Variants in GRM8 observed in about 807,000 individuals in gnomAD.
GRM8 encodes glutamate metabotropic receptor 8.
A neutral mutation model predicts 87.2 loss-of-function variants in GRM8; 47 were observed. The ratio of observed to expected loss-of-function variants is 0.54; its 90% CI spans 0.43 to 0.69. GRM8 has a LOEUF of 0.69. Ranked by LOEUF, GRM8 falls within the 30% of genes least tolerant of loss-of-function variation. GRM8 has a pLI of 0.00. For synonymous variants in GRM8, 396 were observed against 404.5 expected (o/e 0.98, Z 0.25); for missense variants, 1,019 against 1,139.2 (o/e 0.89, Z 1.52).
At chr7:126,737,447 T>C (rs1377206526) in intron 7 of GRM8, among the ~76,000 whole-genome samples, 2 of 151,980 alleles carry the variant, frequency 1.3e-5, no homozygotes, top group South Asian at 4.1e-4. Flanking sequence ...GAGACTGATT[T>C]GGGTGGTAAT....
intron 3 of GRM8, among the ~76,000 whole-genome samples, chr7:126,976,550 C>T (rs573315656): frequency 1.1e-4 from 16 of 152,084 alleles, no homozygotes; most frequent in Non-Finnish European, 1.5e-4. Flanking sequence ...ACCGAGATGG[C>T]GCCACTGCAC....
rs184376511 is a variant in GRM8 at position 126,968,952 on chromosome 7, A to T, written c.728-64269T>A. The stretch of plus-strand genomic sequence containing the variant: ...ATTTCAGACCACTGCAATTAAGTGA[A>T]TATTGCAATAAAGTGAGTCATGTGA... On this transcript the variant is annotated intron_variant, in intron 3 of 10. Coordinates refer to ENST00000339582, the MANE Select transcript of GRM8 (RefSeq NM_000845.3). Among the ~76,000 whole-genome samples the T allele has an allele frequency of 9.8e-4, 149 of 152,316 alleles. 2 individuals carry two copies. Among genetic ancestry groups the T allele is most frequent in the Admixed American group, 9.7e-3 (149 of 15,294 alleles).
chr7:126,940,975 T>TA (rs965877376), intron 3 of GRM8, among the ~76,000 whole-genome samples: 8 of 152,210 alleles, frequency 5.3e-5, no homozygotes, highest in Non-Finnish European at 7.3e-5. Context: ...ACTACCTTGA[T>TA]AAAAAGGTGC....
At chr7:126,548,494 CA>C (rs1249648255) in intron 8 of GRM8, among the ~76,000 whole-genome samples, 1 of 151,558 alleles carries the variant, frequency 6.6e-6, no homozygotes, top group Non-Finnish European at 1.5e-5. Flanking sequence ...ATAAGGACAA[CA>C]AAAAAAATTT....
At chr7:126,732,740 T>C (rs1267405996) in intron 7 of GRM8, among the ~76,000 whole-genome samples, 1 of 152,116 alleles carries the variant, frequency 6.6e-6, no homozygotes, top group Non-Finnish European at 1.5e-5. Flanking sequence ...CATTGTTAAA[T>C]TTTTTCAAGT....
intron 2 of GRM8, among the ~76,000 whole-genome samples, chr7:127,110,334 C>A (rs1826232302): frequency 6.6e-6 from 1 of 152,204 alleles, no homozygotes; most frequent in Admixed American, 6.5e-5. Flanking sequence ...CTCAGCCCTG[C>A]CCTAACTTCT....
At chr7:127,130,132 C>G (rs1043750927) in intron 2 of GRM8, among the ~76,000 whole-genome samples, 2 of 152,164 alleles carry the variant, frequency 1.3e-5, no homozygotes. Flanking sequence ...ATCATAGAAG[C>G]ATCATGACTG....
intron 3 of GRM8, among the ~76,000 whole-genome samples, chr7:127,046,795 T>C (rs13239456): frequency 0.25 from 38,586 of 152,160 alleles, 5,842 homozygotes; most frequent in Non-Finnish European, 0.35. Context: ...CTTGCCCTAT[T>C]GTATTACCCA....
At chr7:126,866,465 G>A (rs747030939) in intron 6 of GRM8, among the ~76,000 whole-genome samples, 2 of 149,930 alleles carry the variant, frequency 1.3e-5, no homozygotes, top group Non-Finnish European at 3.0e-5. Flanking sequence ...ATGCTTTTTG[G>A]TGGCATGTCT....
At chr7:126,573,630 A>G (rs187287254) in intron 8 of GRM8, among the ~76,000 whole-genome samples, 71 of 151,724 alleles carry the variant, frequency 4.7e-4, no homozygotes, top group Non-Finnish European at 8.8e-5. Flanking sequence ...TATCACTGAG[A>G]CTAGAATTCA....
At chr7:126,452,623 T>C (rs1427091958) in intron 9 of GRM8, among the ~76,000 whole-genome samples, 1 of 151,720 alleles carries the variant, frequency 6.6e-6, no homozygotes, top group Admixed American at 6.6e-5. Flanking sequence ...GACTCCATTC[T>C]TTTTCATAGC....
At chr7:126,773,672 T>A (rs910543434) in intron 6 of GRM8, among the ~76,000 whole-genome samples, 4 of 152,088 alleles carry the variant, frequency 2.6e-5, no homozygotes, top group African/African-American at 9.7e-5. Flanking sequence ...ATGCTCCAAT[T>A]TAATACATAT....
intron 2 of GRM8, among the ~76,000 whole-genome samples, chr7:127,238,369 A>C (rs1798104127): frequency 6.6e-6 from 1 of 151,796 alleles, no homozygotes; most frequent in Admixed American, 6.6e-5. Flanking sequence ...TAAAAAGTTC[A>C]GATCATTAAA....
chr7:126,576,386 G>A (rs1253891926), intron 8 of GRM8, among the ~76,000 whole-genome samples: 2 of 152,064 alleles, frequency 1.3e-5, no homozygotes, highest in Non-Finnish European at 2.9e-5. Flanking sequence ...GGCCTCAAGT[G>A]ATCCTCCCAC....
At chr7:127,095,060 G>A (rs1435798838) in intron 3 of GRM8, among the ~76,000 whole-genome samples, 1 of 152,202 alleles carries the variant, frequency 6.6e-6, no homozygotes, top group Non-Finnish European at 1.5e-5. Context: ...GGCAGAAGAG[G>A]AGACCCTTCA....
At chr7:126,479,409 T>C (rs148124010) in intron 9 of GRM8, among the ~76,000 whole-genome samples, 69 of 152,210 alleles carry the variant, frequency 4.5e-4, no homozygotes, top group Middle Eastern at 3.4e-3. Context: ...AGGTAATCAC[T>C]AACCTACTAT....
intron 3 of GRM8, among the ~76,000 whole-genome samples, chr7:126,953,643 C>T (rs1197547090): frequency 6.6e-6 from 1 of 151,970 alleles, no homozygotes; most frequent in Non-Finnish European, 1.5e-5. Context: ...CCTGTTTAAC[C>T]ATGTGTGTCA....
intron 3 of GRM8, among the ~76,000 whole-genome samples, chr7:127,059,849 G>A (rs1397780212): frequency 6.6e-6 from 1 of 152,152 alleles, no homozygotes; most frequent in Non-Finnish European, 1.5e-5. Context: ...GTACTTTCTT[G>A]AAAGCATCTG....
chr7:126,944,568 A>C (rs1807324801), intron 3 of GRM8, among the ~76,000 whole-genome samples: 2 of 152,266 alleles, frequency 1.3e-5, no homozygotes. Flanking sequence ...AAAGAGGTTT[A>C]GAAGTGAGAT....
Sources: gnomAD v4.1 joint callset for allele counts (sites outside exome capture counted in the v4.1 genomes callset) on GRCh38, gnomAD v4.1.1 for gene constraint, MANE v1.5 for transcripts, NCBI Gene and HGNC (gene_info 2026-07-23, HGNC 2026-07-21) for gene names.